Variants in PCDHGB7 observed in about 807,000 individuals in gnomAD.
PCDHGB7 encodes protocadherin gamma-B7.
A neutral mutation model predicts 61.4 loss-of-function variants in PCDHGB7; 37 were observed. The ratio of observed to expected loss-of-function variants is 0.60; its 90% CI spans 0.46 to 0.79. PCDHGB7 has a LOEUF of 0.79. Among genes scored for constraint, PCDHGB7 ranks in the 30% least tolerant of loss-of-function variants. The pLI is 0.00. For synonymous variants in PCDHGB7, 464 were observed against 503.5 expected (o/e 0.92, Z 1.05); for missense variants, 1,166 against 1,202.5 (o/e 0.97, Z 0.45).
intron 1 of PCDHGB7, chr5:141,426,713 AC>A: frequency 2.2e-6 from 1 of 445,196 alleles, no homozygotes; most frequent in Middle Eastern, 3.3e-4. Flanking sequence ...AAATCAATGA[AC>A]TAGCAATTCC....
chr5:141,418,411 C>T lies in PCDHGB7; in HGVS notation c.552C>T (p.Asp184=). 1 of 1,613,986 alleles carries T rather than the reference C, an allele frequency of 6.2e-7. No homozygotes were observed. The highest frequency in any genetic ancestry group is 2.2e-5 in the East Asian group (1 of 44,878). ...AGTATTTCTCATTGGTGGAGAAAGA[C>T]AATCCTGATGGTGGCAAATATCCAG... ...PNEYFSLVEK[D]NPDGGKYPEL... is the part of the protein sequence containing the mutation. Residue 184 remains aspartate, a synonymous_variant, in exon 1 of 4, where the codon GAC becomes GAT. Transcript: ENST00000398594.
At chr5:141,465,767 T>A (rs1427458413) in intron 1 of PCDHGB7, among the ~76,000 whole-genome samples, 1 of 152,016 alleles carries the variant, frequency 6.6e-6, no homozygotes, top group Non-Finnish European at 1.5e-5. Context: ...TCATGTTTCA[T>A]CTCTTGTTAC....
chr5:141,433,106 G>C, intron 1 of PCDHGB7: 1 of 1,614,170 alleles, frequency 6.2e-7, no homozygotes, highest in Non-Finnish European at 8.5e-7. Flanking sequence ...CGTCAGCCAG[G>C]AGAGCTTTGA....
chr5:141,474,710 A>T (rs535069070), intron 1 of PCDHGB7, among the ~76,000 whole-genome samples: 31 of 152,330 alleles, frequency 2.0e-4, no homozygotes, highest in African/African-American at 6.3e-4. Context: ...GTTCTATTAT[A>T]CTTCAAAAGG....
chr5:141,462,552 T>A (rs966816379), intron 1 of PCDHGB7, among the ~76,000 whole-genome samples: 1 of 152,194 alleles, frequency 6.6e-6, no homozygotes, highest in Non-Finnish European at 1.5e-5. Context: ...TCTTCTTCAG[T>A]GTTTACTGTA....
intron 1 of PCDHGB7, among the ~76,000 whole-genome samples, chr5:141,488,434 C>T (rs1231743982): frequency 2.6e-5 from 4 of 152,166 alleles, no homozygotes; most frequent in African/African-American, 7.2e-5. Flanking sequence ...TGGCCTCTGA[C>T]CACCCTCCTG....
intron 1 of PCDHGB7, among the ~76,000 whole-genome samples, chr5:141,437,415 G>A: frequency 6.6e-6 from 1 of 152,162 alleles, no homozygotes; most frequent in Non-Finnish European, 1.5e-5. Context: ...GAAGTATTAT[G>A]CTTTTTGAAG....
chr5:141,422,298 T>G, intron 1 of PCDHGB7: 1 of 1,549,054 alleles, frequency 6.5e-7, no homozygotes, highest in Non-Finnish European at 8.7e-7. Flanking sequence ...TTAATTCAAT[T>G]CTGGAAAACT....
intron 1 of PCDHGB7, chr5:141,428,021 C>T: frequency 1.2e-6 from 2 of 1,605,604 alleles, no homozygotes; most frequent in Non-Finnish European, 1.7e-6. Context: ...TGCCACGCGC[C>T]GCAGAGTCCG....
chr5:141,487,812 T>A lies in PCDHGB7; in HGVS notation c.2416-6995T>A. ...TAACCAGAGTTGTCACAGTTTAGCA[T>A]TGGGGGCGGGTCATGCCTATATCTG... On this transcript the variant is annotated intron_variant, in intron 1 of 3. Coordinates refer to ENST00000398594, the MANE Select transcript of PCDHGB7 (RefSeq NM_018927.4). The surrounding 1 kb of genome is among the most constrained non-coding windows in gnomAD (Gnocchi z 5.0). 1 of 1,408,206 alleles carries A rather than the reference T, an allele frequency of 7.1e-7. No individual in the cohort carries two copies. The highest frequency in any genetic ancestry group is 9.7e-7 in the Non-Finnish European group (1 of 1,036,248). 87.2% of individuals were successfully genotyped at this position (1,408,206 alleles called of 1,614,324 possible). A position where few individuals can be genotyped will look rare whatever the true frequency, so the allele number is the denominator to read the frequency against.
At chr5:141,447,238 C>T (rs1028683423) in intron 1 of PCDHGB7, among the ~76,000 whole-genome samples, 1 of 152,148 alleles carries the variant, frequency 6.6e-6, no homozygotes, top group Non-Finnish European at 1.5e-5. Context: ...CTCCCGGGTT[C>T]AAGTGATTCT....
Position 141,487,413 on chromosome 5 carries a change from A to G in PCDHGB7, c.2416-7394A>G, listed in dbSNP as rs1562119204. The G allele has an allele frequency of 1.2e-6, 2 of 1,614,172 alleles. No homozygotes were observed. The highest frequency in any genetic ancestry group is 2.2e-5 in the East Asian group (1 of 44,862). ...AGGAGGGAGGGGCTTCCCCCTTCCA[A>G]TGGGATCCTCCGAATCCAGCTAGGG... On this transcript the variant is annotated intron_variant, in intron 1 of 3. Coordinates refer to ENST00000398594, the MANE Select transcript of PCDHGB7 (RefSeq NM_018927.4). This position sits in a 1 kb window ranked among gnomAD's most constrained non-coding sequence, Gnocchi z 5.0.
chr5:141,422,011 G>T (rs200879435), intron 1 of PCDHGB7: 2 of 1,610,252 alleles, frequency 1.2e-6, no homozygotes, highest in East Asian at 2.2e-5. Flanking sequence ...CGGAACTCGG[G>T]TGCTGATGGT....
chr5:141,462,983 T>C (rs530985795), intron 1 of PCDHGB7, among the ~76,000 whole-genome samples: 278 of 152,304 alleles, frequency 1.8e-3, no homozygotes, highest in Non-Finnish European at 3.4e-3. Flanking sequence ...AACTTTTGCC[T>C]TGGGCTAATT....
intron 1 of PCDHGB7, among the ~76,000 whole-genome samples, chr5:141,438,511 C>G (rs1436337566): frequency 6.8e-6 from 1 of 146,550 alleles, no homozygotes; most frequent in Non-Finnish European, 1.5e-5. Context: ...AGTGCAAAAC[C>G]AATTATTTTA....
At chr5:141,439,996 G>C (rs1156373511) in intron 1 of PCDHGB7, 1 of 153,262 alleles carries the variant, frequency 6.5e-6, no homozygotes, top group African/African-American at 2.4e-5. Flanking sequence ...GTTTGGTGGT[G>C]GGAAACCTTG....
intron 2 of PCDHGB7, among the ~76,000 whole-genome samples, chr5:141,504,722 C>T (rs747319660): frequency 1.3e-5 from 2 of 151,828 alleles, no homozygotes; most frequent in Non-Finnish European, 2.9e-5. Context: ...GGATTTTACT[C>T]TGAGGGCTTA....
Position 141,489,992 on chromosome 5 carries a change from TC to T in PCDHGB7, c.2416-4812del. The T allele has an allele frequency of 6.2e-7, 1 of 1,614,216 alleles. No individual in the cohort carries two copies. The highest frequency in any genetic ancestry group is 8.5e-7 in the Non-Finnish European group (1 of 1,180,016). On this transcript the variant is annotated intron_variant, in intron 1 of 3. Coordinates refer to ENST00000398594, the MANE Select transcript of PCDHGB7 (RefSeq NM_018927.4). The surrounding 1 kb of genome is among the most constrained non-coding windows in gnomAD (Gnocchi z 4.5). The stretch of plus-strand genomic sequence containing the variant: ...CAATCCTCAGTTCTACGTGTGGGAA[TC>T]CCAGAGAATGCACCCATTGGTACTC...
intron 2 of PCDHGB7, among the ~76,000 whole-genome samples, chr5:141,498,872 G>T (rs912789877): frequency 1.4e-4 from 21 of 151,650 alleles, no homozygotes; most frequent in Non-Finnish European, 2.9e-4. Flanking sequence ...GGCGGAGGTT[G>T]CAGTGAGCTG....
Sources: allele counts gnomAD v4.1 joint callset (sites outside exome capture counted in the v4.1 genomes callset), GRCh38; gene constraint gnomAD v4.1.1; non-coding constraint Gnocchi (gnomAD v3.1); transcripts MANE v1.5; gene names NCBI Gene and HGNC (gene_info 2026-07-23, HGNC 2026-07-21).